TMPRSS15: variants seen among roughly 807,000 people sequenced by gnomAD.
The protein encoded by TMPRSS15 is transmembrane serine protease 15, also known as enteropeptidase.
A neutral mutation model predicts 125.3 loss-of-function variants in TMPRSS15; 128 were observed. The observed-to-expected ratio is 1.02, with a 90% CI of 0.89 to 1.18. The LOEUF is 1.18. Ranked by LOEUF, TMPRSS15 falls within the 50% of genes most tolerant of loss-of-function variation. The pLI, the probability that TMPRSS15 is intolerant of heterozygous loss-of-function variation, is 0.00. For missense variants in TMPRSS15, 1,283 were observed against 1,212.7 expected (o/e 1.06, Z -0.86); for synonymous variants, 446 against 423.2 (o/e 1.05, Z -0.66).
At chr21:18,467,716 G>A (rs1334791147) in intron 1 of TMPRSS15, among the ~76,000 whole-genome samples, 1 of 152,020 alleles carries the variant, frequency 6.6e-6, no homozygotes, top group African/African-American at 2.4e-5. Context: ...TAAAGAGGAA[G>A]GTGGGGCCCA....
intron 21 of TMPRSS15, among the ~76,000 whole-genome samples, chr21:18,281,560 G>A (rs756774623): frequency 1.3e-5 from 2 of 152,000 alleles, no homozygotes; most frequent in Admixed American, 6.5e-5. Context: ...CGATTCTAAT[G>A]TACTGGGTCT....
At chr21:18,293,121 T>C (rs2146896351) in intron 21 of TMPRSS15, among the ~76,000 whole-genome samples, 1 of 152,304 alleles carries the variant, frequency 6.6e-6, no homozygotes, top group Admixed American at 6.5e-5. Flanking sequence ...TTCACTCTGA[T>C]ATAATGGGTA....
intron 17 of TMPRSS15, among the ~76,000 whole-genome samples, chr21:18,314,418 A>G (rs1460729343): frequency 2.6e-5 from 4 of 152,110 alleles, no homozygotes; most frequent in Non-Finnish European, 5.9e-5. Flanking sequence ...AGCTGGGATT[A>G]CAGGCACCCA....
intron 1 of TMPRSS15, among the ~76,000 whole-genome samples, chr21:18,401,404 A>G (rs1351084882): frequency 6.6e-6 from 1 of 152,220 alleles, no homozygotes; most frequent in Non-Finnish European, 1.5e-5. Context: ...CAGCCATAAA[A>G]AAGAATGAAC....
chr21:18,347,519 T>G (rs1186210262), intron 10 of TMPRSS15, among the ~76,000 whole-genome samples: 1 of 152,178 alleles, frequency 6.6e-6, no homozygotes, highest in African/African-American at 2.4e-5. Context: ...CATCAGCCAC[T>G]GCACCTGGCC....
chr21:18,357,447 G>T (rs574071087), intron 8 of TMPRSS15, among the ~76,000 whole-genome samples: 135 of 151,646 alleles, frequency 8.9e-4, no homozygotes, highest in Non-Finnish European at 1.4e-3. Context: ...CCCCTAATCA[G>T]GTATATAACA....
chr21:18,296,811 C>G (rs1170225169), intron 19 of TMPRSS15, among the ~76,000 whole-genome samples: 1 of 152,150 alleles, frequency 6.6e-6, no homozygotes, highest in Non-Finnish European at 1.5e-5. Flanking sequence ...TAATATCAGT[C>G]AAGGCCCAGC....
At chr21:18,357,267 A>G (rs933612000) in intron 8 of TMPRSS15, among the ~76,000 whole-genome samples, 1 of 151,538 alleles carries the variant, frequency 6.6e-6, no homozygotes, top group African/African-American at 2.4e-5. Flanking sequence ...CTTTCCCAGC[A>G]CTCTATTTTG....
At chr21:18,301,946 C>T (rs1488218023) in intron 18 of TMPRSS15, among the ~76,000 whole-genome samples, 2 of 151,948 alleles carry the variant, frequency 1.3e-5, no homozygotes, top group South Asian at 2.1e-4. Context: ...TAGATGAATT[C>T]TAGGGAGTAA....
intron 6 of TMPRSS15, among the ~76,000 whole-genome samples, chr21:18,368,244 C>T (rs895072280): frequency 6.6e-6 from 1 of 152,156 alleles, no homozygotes; most frequent in Non-Finnish European, 1.5e-5. Flanking sequence ...CTTTGCGCTG[C>T]ACAATGTGAT....
At chr21:18,369,035 T>C (rs1358103640) in intron 6 of TMPRSS15, among the ~76,000 whole-genome samples, 1 of 152,070 alleles carries the variant, frequency 6.6e-6, no homozygotes, top group Non-Finnish European at 1.5e-5. Flanking sequence ...GTAGGATGAC[T>C]GGGTGTTTAG....
chr21:18,314,201 C>T (rs9305860), intron 17 of TMPRSS15, among the ~76,000 whole-genome samples: 2,129 of 152,236 alleles, frequency 0.014, 40 homozygotes, highest in African/African-American at 0.046. Context: ...ACAGCTATGG[C>T]CCTTACTGGG....
chr21:18,332,546 A>C (rs949854371), intron 13 of TMPRSS15, among the ~76,000 whole-genome samples: 2 of 152,196 alleles, frequency 1.3e-5, no homozygotes, highest in Non-Finnish European at 2.9e-5. Flanking sequence ...TGCAAAAGGT[A>C]CCATCTGACA....
chr21:18,398,341 A>G lies in TMPRSS15; in HGVS notation c.146-12T>C, dbSNP rs1342725696. On this transcript the variant is annotated splice_polypyrimidine_tract_variant and intron_variant, in intron 1 of 24. Transcript: ENST00000284885. ...TCCAAGTGCTGCACCTAGATAAATTAATAAGGAAAAAACACTAAGATTTTG... is the reference window on the plus strand; with the variant it reads ...TCCAAGTGCTGCACCTAGATAAATTGATAAGGAAAAAACACTAAGATTTTG... 5 of 1,613,122 alleles carry G rather than the reference A, an allele frequency of 3.1e-6. No individual in the cohort carries two copies. Among genetic ancestry groups the G allele is most frequent in the African/African-American group, 1.3e-5 (1 of 75,048 alleles).
intron 2 of TMPRSS15, 25 bp downstream of exon 2, chr21:18,398,174 T>C: frequency 6.2e-7 from 1 of 1,613,418 alleles, no homozygotes; most frequent in Non-Finnish European, 8.5e-7. Flanking sequence ...GTTATAAAAT[T>C]TGAAACCAGC....
chr21:18,405,776 C>T (rs1297579142), upstream of TMPRSS15, among the ~76,000 whole-genome samples: 2 of 151,526 alleles, frequency 1.3e-5, no homozygotes, highest in Admixed American at 6.6e-5. Flanking sequence ...ATAAAAAGCA[C>T]GGAAAAATTT....
intron 3 of TMPRSS15, among the ~76,000 whole-genome samples, chr21:18,397,028 G>A (rs2076047804): frequency 6.6e-6 from 1 of 151,940 alleles, no homozygotes; most frequent in Middle Eastern, 3.4e-3. Context: ...GCTACCCCAG[G>A]TCTTGATCAG....
intron 8 of TMPRSS15, among the ~76,000 whole-genome samples, chr21:18,355,171 A>G (rs1028463395): frequency 1.3e-5 from 2 of 151,908 alleles, no homozygotes; most frequent in African/African-American, 4.8e-5. Flanking sequence ...TTTGGAGTTC[A>G]TAAGTGTTAG....
intron 1 of TMPRSS15, among the ~76,000 whole-genome samples, chr21:18,399,132 A>T (rs77318020): frequency 0.011 from 1,639 of 152,252 alleles, 32 homozygotes; most frequent in African/African-American, 0.038. Context: ...TAAATATAAT[A>T]ATAATGACAT....
Sources: allele counts gnomAD v4.1 joint callset (sites outside exome capture counted in the v4.1 genomes callset), GRCh38; gene constraint gnomAD v4.1.1; transcripts MANE v1.5; gene names NCBI Gene and HGNC (gene_info 2026-07-23, HGNC 2026-07-21).